The following TTC39A variants were observed in gnomAD, a reference collection of about 807,000 sequenced individuals.
The protein encoded by TTC39A is tetratricopeptide repeat protein 39A.
TTC39A carries 46 observed loss-of-function variants against 82.3 expected under a neutral mutation model. That is an observed-to-expected ratio of 0.56 (90% CI 0.44 to 0.71). The LOEUF (loss-of-function observed/expected upper bound fraction) is 0.71. TTC39A is among the 30% of genes least tolerant of loss of function. The pLI is 0.00. For synonymous variants in TTC39A, 254 were observed against 275.2 expected (o/e 0.92, Z 0.76); for missense variants, 543 against 712.9 (o/e 0.76, Z 2.71).
At chr1:51,295,439 C>T (rs1440623985) in intron 13 of TTC39A, 1 of 153,352 alleles carries the variant, frequency 6.5e-6, no homozygotes, top group Non-Finnish European at 1.5e-5. Flanking sequence ...CCTGCCAAGG[C>T]TGAGCTCTGC....
In TTC39A at chr1:51,288,102, T is replaced by C. The variant is rs1017320329; in HGVS notation, c.*55A>G. 1.9e-5 allele frequency: 30 copies of C among 1,606,884 alleles called. No individual in the cohort carries two copies. The highest frequency in any genetic ancestry group is 1.2e-4 in the Admixed American group (7 of 59,402). On this transcript the variant is annotated 3_prime_UTR_variant, in exon 18 of 18. Coordinates refer to ENST00000680483, the MANE Select transcript of TTC39A (RefSeq NM_001297663.2). The surrounding 1 kb of genome is among the most constrained non-coding windows in gnomAD (Gnocchi z 4.8). ...GGGGGAGGGGGTATTTTGAAATGTT[T>C]TCAGGAGCTCTGTCCAGCTGTCTCT...
rs765283704 is a variant in TTC39A at position 51,289,991 on chromosome 1, G to A, written c.1493+14C>T. ...AGACTCAGACCCAGAAGGAGCAGCT[G>A]CAGAGGCACTTACTTGGCAGAGATG... On this transcript the variant is annotated intron_variant, in intron 16 of 17. Coordinates refer to ENST00000680483, the MANE Select transcript of TTC39A (RefSeq NM_001297663.2). 4 of 1,606,392 alleles carry A rather than the reference G, an allele frequency of 2.5e-6. No individual in the cohort carries two copies. The South Asian group carries it at 3.3e-5, about 13-fold the overall frequency.
chr1:51,319,053 T>C (rs886946961), intron 2 of TTC39A, among the ~76,000 whole-genome samples: 1 of 152,132 alleles, frequency 6.6e-6, no homozygotes, highest in African/African-American at 2.4e-5. Flanking sequence ...AGAGAAATAA[T>C]ATTGTGACAA....
intron 2 of TTC39A, among the ~76,000 whole-genome samples, chr1:51,316,752 C>T (rs917990494): frequency 2.0e-5 from 3 of 152,212 alleles, no homozygotes; most frequent in Non-Finnish European, 4.4e-5. Context: ...AAGGGCATAC[C>T]CTGAACTTGC....
In TTC39A at chr1:51,311,389, C is replaced by T. The variant is rs549229634; in HGVS notation, c.356-68G>A. 27 of 1,428,604 alleles carry T rather than the reference C, an allele frequency of 1.9e-5. No individual in the cohort carries two copies. In the South Asian group the frequency reaches 2.9e-4, roughly 15 times the overall value. 88.5% of individuals were successfully genotyped at this position (1,428,604 alleles called of 1,614,324 possible). A position where few individuals can be genotyped will look rare whatever the true frequency, so the allele number is the denominator to read the frequency against. ...AGTCAGGAGGCCTGGGACAAATCCT[C>T]ACACCCCAACTTCCCCAAAAGCAAA... On this transcript the variant is annotated intron_variant, in intron 4 of 17. Transcript: ENST00000680483.
At chr1:51,331,358 G>A (rs1047056689), upstream of TTC39A, 20 of 1,494,884 alleles carry the variant, frequency 1.3e-5, no homozygotes, top group Admixed American at 4.2e-4. Context: ...GAAAGCCACT[G>A]GCCCATGAAG....
intron 1 of TTC39A, among the ~76,000 whole-genome samples, chr1:51,343,739 C>T (rs1304266122): frequency 6.6e-6 from 1 of 152,160 alleles, no homozygotes; most frequent in African/African-American, 2.4e-5. Context: ...TGAGAGTCAC[C>T]AAAGGGTGGT....
rs1557711731 is a variant in TTC39A, at chr1:51,303,062, CCAG to C, written c.763+19_763+21del. The C allele has an allele frequency of 6.4e-7, 1 of 1,564,346 alleles. No homozygotes were observed. Among genetic ancestry groups the C allele is most frequent in the South Asian group, 1.2e-5 (1 of 84,568 alleles). ...TTGGAGACGACCAAACCCCAGGGCCCCAGGTCCCCCTGTACACCTACCGAGCAC... is the reference window on the plus strand; with the variant it reads ...TTGGAGACGACCAAACCCCAGGGCCCGTCCCCCTGTACACCTACCGAGCAC... On this transcript the variant is annotated intron_variant, in intron 9 of 17. Coordinates refer to ENST00000680483, the MANE Select transcript of TTC39A (RefSeq NM_001297663.2).
intron 1 of TTC39A, among the ~76,000 whole-genome samples, chr1:51,323,007 T>C (rs1173581923): frequency 6.6e-6 from 1 of 152,230 alleles, no homozygotes; most frequent in Non-Finnish European, 1.5e-5. Context: ...TGCCTTTCTT[T>C]TTTTTGGTGG....
At chr1:51,312,286 A>C in intron 3 of TTC39A, 91 bp from the exon 4 acceptor site, 1 of 1,250,802 alleles carries the variant, frequency 8.0e-7, no homozygotes, top group Non-Finnish European at 1.1e-6. Flanking sequence ...AACATTCCTA[A>C]AGAGACAGAG....
In TTC39A at chr1:51,312,856, C is replaced by T; in HGVS notation, c.234G>A (p.Leu78=). ...AMMTFDPQDI[L]LAGNMMKEAQ... is the part of the protein sequence containing the mutation. ...CCTCCTTCATCATGTTGCCGGCAAG[C>T]AGGATGTCCTGAGGGTCAAAGGTCA... Residue 78 remains leucine, a synonymous_variant, in exon 3 of 18, where the codon CTG becomes CTA. Coordinates refer to ENST00000680483, the MANE Select transcript of TTC39A (RefSeq NM_001297663.2). 3 of 1,613,940 alleles carry T rather than the reference C, an allele frequency of 1.9e-6. No homozygotes were observed. The highest frequency in any genetic ancestry group is 2.5e-6 in the Non-Finnish European group (3 of 1,179,844).
intron 1 of TTC39A, among the ~76,000 whole-genome samples, chr1:51,341,395 G>A (rs1437952671): frequency 6.6e-6 from 1 of 152,116 alleles, no homozygotes; most frequent in East Asian, 1.9e-4. Flanking sequence ...TTTCAGGAAA[G>A]GACAAAGCAA....
At chr1:51,305,932 C>T (rs1173383682) in intron 7 of TTC39A, 45 bp downstream of exon 7, 9 of 1,588,000 alleles carry the variant, frequency 5.7e-6, no homozygotes, top group Non-Finnish European at 7.8e-6. Flanking sequence ...GAAGGGGAGA[C>T]TGAGCTCAAG....
At chr1:51,333,314 C>A (rs1645936725), upstream of TTC39A, among the ~76,000 whole-genome samples, 1 of 151,892 alleles carries the variant, frequency 6.6e-6, no homozygotes, top group Non-Finnish European at 1.5e-5. Context: ...TGGACCCCAT[C>A]CCCAAGATAA....
At chr1:51,330,814 C>A, upstream of TTC39A, 1 of 438,178 alleles carries the variant, frequency 2.3e-6, no homozygotes. The surrounding 1 kb of genome is among the most constrained non-coding windows in gnomAD (Gnocchi z 4.5). Context: ...CTATTTGGCG[C>A]TAGAAGTTCT....
Position 51,296,176 on chromosome 1 carries a change from C to T in TTC39A, c.1054-6G>A, listed in dbSNP as rs184643340. The T allele has an allele frequency of 5.6e-4, 878 of 1,581,558 alleles. No individual in the cohort carries two copies. Among genetic ancestry groups the T allele is most frequent in the Non-Finnish European group, 7.2e-4 (842 of 1,163,718 alleles). On this transcript the variant is annotated splice_polypyrimidine_tract_variant and splice_region_variant and intron_variant, in intron 12 of 17. Transcript: ENST00000680483. ...TTCATGTAAATGTAGGTGGCCTGTG[C>T]GAGACAGAGCAACAGCCAGGTGTGA...
At chr1:51,325,515 T>C (rs1645681787) in intron 1 of TTC39A, among the ~76,000 whole-genome samples, 1 of 152,178 alleles carries the variant, frequency 6.6e-6, no homozygotes, top group Non-Finnish European at 1.5e-5. Context: ...GGTGTTTAAC[T>C]GGCATTCTCT....
chr1:51,315,818 T>C (rs1645261770), intron 2 of TTC39A, among the ~76,000 whole-genome samples: 1 of 152,182 alleles, frequency 6.6e-6, no homozygotes, highest in Admixed American at 6.5e-5. Flanking sequence ...GCTGACTCCT[T>C]CTCATCCAGT....
intron 1 of TTC39A, chr1:51,322,200 C>T (rs1421858223): frequency 2.6e-6 from 4 of 1,530,314 alleles, no homozygotes; most frequent in Non-Finnish European, 2.6e-6. Context: ...AGCCCAGCCA[C>T]TAAATCCCAC....
Sources: allele counts gnomAD v4.1 joint callset (sites outside exome capture counted in the v4.1 genomes callset), GRCh38; gene constraint gnomAD v4.1.1; non-coding constraint Gnocchi (gnomAD v3.1); transcripts MANE v1.5; gene names NCBI Gene and HGNC (gene_info 2026-07-23, HGNC 2026-07-21).